Variants in LAMA3 observed in about 807,000 individuals in gnomAD.
LAMA3 encodes laminin subunit alpha-3.
A neutral mutation model predicts 402.0 loss-of-function variants in LAMA3; 281 were observed. That is an observed-to-expected ratio of 0.70 (90% CI 0.63 to 0.77). The LOEUF (loss-of-function observed/expected upper bound fraction) is 0.77, where lower values mean the gene tolerates loss of function less well. Ranked by LOEUF, LAMA3 falls within the 30% of genes least tolerant of loss-of-function variation. The pLI is 0.00. For missense variants in LAMA3, 3,840 were observed against 4,215.5 expected (o/e 0.91, Z 2.47); for synonymous variants, 1,431 against 1,558.4 (o/e 0.92, Z 1.93).
At chr18:23,953,325 G>GTTTTTTTTTTT (rs60412950) in intron 74 of LAMA3, among the ~76,000 whole-genome samples, 4 of 133,976 alleles carry the variant, frequency 3.0e-5, no homozygotes, top group Admixed American at 7.7e-5. Context: ...CTGTAATTTT[G>GTTTTTTTTTTT]TTTTTTTTTT....
intron 38 of LAMA3, chr18:23,873,201 T>A: frequency 6.2e-7 from 1 of 1,614,014 alleles, no homozygotes. Flanking sequence ...TTATGTGGAG[T>A]TTAGACCCAG....
intron 40 of LAMA3, among the ~76,000 whole-genome samples, chr18:23,883,263 T>C (rs2064961539): frequency 6.6e-6 from 1 of 152,166 alleles, no homozygotes; most frequent in South Asian, 2.1e-4. Context: ...TGAGCTCTCA[T>C]TCAGCCTCCA....
chr18:23,909,406 T>C (rs1288720361), intron 55 of LAMA3, 111 bp downstream of exon 55: 5 of 1,018,434 alleles, frequency 4.9e-6, no homozygotes, highest in African/African-American at 4.7e-5. Context: ...TGTCTTTCTT[T>C]CCCCAATTCT....
In LAMA3 at chr18:23,904,007, A is replaced by G; in HGVS notation, c.6393A>G (p.Arg2131=). The change falls in exon 50 of 75, where the codon AGA becomes AGG. Residue 2131 remains arginine (R), a synonymous_variant. Coordinates refer to ENST00000313654, the MANE Select transcript of LAMA3 (RefSeq NM_198129.4). ...GTGACAAAGTAAGAGAACTTTCCAG[A>G]TCTGCTGGCAAAACATCCCTTGTGG... ...ELSDKVRELS[R]SAGKTSLVEE... 1 of 1,614,180 alleles carries G rather than the reference A, an allele frequency of 6.2e-7. No individual in the cohort carries two copies. Among genetic ancestry groups the G allele is most frequent in the Non-Finnish European group, 8.5e-7 (1 of 1,180,022 alleles).
At chr18:23,758,551 TC>T (rs11308832) in intron 7 of LAMA3, 40 bp downstream of exon 7, 1,399,080 of 1,399,142 alleles carry the variant, frequency 1, 699,509 homozygotes, top group Middle Eastern at 1. Flanking sequence ...CGTGGCCTTC[TC>T]CCCCCTCTCC....
At chr18:23,746,572 T>C (rs891469182) in intron 2 of LAMA3, among the ~76,000 whole-genome samples, 22 of 152,328 alleles carry the variant, frequency 1.4e-4, no homozygotes, top group Admixed American at 1.0e-3. Flanking sequence ...GCAATGCCAC[T>C]GCTCTCACCA....
chr18:23,715,619 T>G (rs1393875607), intron 2 of LAMA3, among the ~76,000 whole-genome samples: 1 of 152,182 alleles, frequency 6.6e-6, no homozygotes, highest in Non-Finnish European at 1.5e-5. Flanking sequence ...ATGATAGAGA[T>G]AGCAACATGC....
At chr18:23,948,034 G>A (rs888741114) in intron 70 of LAMA3, among the ~76,000 whole-genome samples, 3 of 152,008 alleles carry the variant, frequency 2.0e-5, no homozygotes, top group African/African-American at 7.2e-5. Flanking sequence ...GAATGGTCTC[G>A]ATCTCCTGAC....
At chr18:23,931,668 C>T (rs2145402713) in intron 65 of LAMA3, 2 of 208,430 alleles carry the variant, frequency 9.6e-6, no homozygotes, top group South Asian at 1.7e-4. Flanking sequence ...AACATTGAGT[C>T]ACACATAAAA....
rs149957740 is a variant in LAMA3 at position 23,769,189 on chromosome 18, C to T, written c.1183-4308C>T. Among the ~76,000 whole-genome samples, 540 of 152,250 alleles carry T rather than the reference C, an allele frequency of 3.5e-3. 2 individuals are homozygous for T. Among genetic ancestry groups the T allele is most frequent in the Non-Finnish European group, 5.5e-3 (373 of 68,018 alleles). ...AAAAAGAATTTTAGGAAACTACCTA[C>T]CTTCCCAACCCCTCTTTATTTCCAA... On this transcript the variant is annotated intron_variant, in intron 8 of 74. Transcript: ENST00000313654.
chr18:23,727,468 G>A (rs12961661), intron 2 of LAMA3, among the ~76,000 whole-genome samples: 70,952 of 151,978 alleles, frequency 0.47, 18,904 homozygotes, highest in Non-Finnish European at 0.61. Context: ...TGGGACTACA[G>A]GCACATGCCA....
chr18:23,709,097 G>T (rs1568099718), intron 1 of LAMA3, among the ~76,000 whole-genome samples: 1 of 148,552 alleles, frequency 6.7e-6, no homozygotes. Context: ...TTGAGACAGG[G>T]TCTTGCTCTG....
At chr18:23,729,891 C>T (rs2145994322) in intron 2 of LAMA3, among the ~76,000 whole-genome samples, 1 of 152,320 alleles carries the variant, frequency 6.6e-6, no homozygotes, top group South Asian at 2.1e-4. Context: ...ACGCTCCCGT[C>T]CTGTCTGTGC....
intron 1 of LAMA3, among the ~76,000 whole-genome samples, chr18:23,694,162 T>C (rs2060643162): frequency 6.6e-6 from 1 of 152,190 alleles, no homozygotes; most frequent in African/African-American, 2.4e-5. Flanking sequence ...CCCTCAGTGG[T>C]TTTCCCATCC....
chr18:23,869,524 G>T (rs769452629), intron 37 of LAMA3, among the ~76,000 whole-genome samples: 1 of 152,162 alleles, frequency 6.6e-6, no homozygotes, highest in Non-Finnish European at 1.5e-5. Flanking sequence ...TGCTTAAAAT[G>T]AGGGAATATT....
At chr18:23,937,854 GT>G (rs1568366772) in intron 67 of LAMA3, among the ~76,000 whole-genome samples, 2 of 152,254 alleles carry the variant, frequency 1.3e-5, no homozygotes, top group East Asian at 3.9e-4. Context: ...TCAAGTTTGC[GT>G]TCTGAGCACT....
In LAMA3 at chr18:23,815,560, C is replaced by T; in HGVS notation, c.2034C>T (p.Tyr678=). The T allele has an allele frequency of 9.3e-6, 15 of 1,613,044 alleles. No individual in the cohort carries two copies. The highest frequency in any genetic ancestry group is 1.3e-5 in the Non-Finnish European group (15 of 1,179,002). ...DGYFALEKSN[Y]FGCQGCQCDI... Reference sequence around the variant, plus strand: ...ATTTTGCTTTGGAAAAGAGCAATTACTTTGGGTGTCAAGGTAAATAAGTCC... The same window carrying T: ...ATTTTGCTTTGGAAAAGAGCAATTATTTTGGGTGTCAAGGTAAATAAGTCC... Residue 678 remains tyrosine, a synonymous_variant, in exon 17 of 75, where the codon TAC becomes TAT. Transcript: ENST00000313654.
At chr18:23,917,229 C>T (rs202088404) in intron 60 of LAMA3, among the ~76,000 whole-genome samples, 1 of 152,160 alleles carries the variant, frequency 6.6e-6, no homozygotes. Flanking sequence ...TGTAGTATTC[C>T]ATGGTGTATA....
intron 12 of LAMA3, among the ~76,000 whole-genome samples, chr18:23,797,585 C>T (rs2062788887): frequency 6.6e-6 from 1 of 152,108 alleles, no homozygotes; most frequent in South Asian, 2.1e-4. Context: ...CGTGGTGGCA[C>T]ATGCCTGTAA....
Sources: gnomAD v4.1 joint callset for allele counts (sites outside exome capture counted in the v4.1 genomes callset) on GRCh38, gnomAD v4.1.1 for gene constraint, MANE v1.5 for transcripts, NCBI Gene and HGNC (gene_info 2026-07-23, HGNC 2026-07-21) for gene names.